The following FRMPD2 variants were observed in gnomAD, a reference collection of about 807,000 sequenced individuals.
FRMPD2 encodes the protein FERM and PDZ domain-containing protein 2.
Under a neutral mutation model 140.1 loss-of-function variants are expected in FRMPD2, and 96 were observed. The ratio of observed to expected loss-of-function variants is 0.69; its 90% CI spans 0.58 to 0.81. The LOEUF (loss-of-function observed/expected upper bound fraction) is 0.81, where lower values mean the gene tolerates loss of function less well. FRMPD2 is among the 40% of genes least tolerant of loss of function. FRMPD2 has a pLI of 0.00. For missense variants in FRMPD2, 1,240 were observed against 1,447.4 expected, an observed-to-expected ratio of 0.86 and a Z score of 2.32; for synonymous variants, 449 against 547.6, an observed-to-expected ratio of 0.82 and a Z score of 2.52.
At chr10:48,207,110 T>G (rs1299239859) in intron 13 of FRMPD2, among the ~76,000 whole-genome samples, 177 bp from the exon 14 acceptor site, 6 of 151,730 alleles carry the variant, frequency 4.0e-5, no homozygotes, top group African/African-American at 1.5e-4. Flanking sequence ...GTACAAAATT[T>G]CTCTGCACCT....
chr10:48,190,879 G>A (rs750040719), intron 16 of FRMPD2, among the ~76,000 whole-genome samples: 2 of 152,208 alleles, frequency 1.3e-5, no homozygotes, highest in Non-Finnish European at 2.9e-5. Flanking sequence ...AGGATGCTTT[G>A]CGGGCAACAC....
chr10:48,214,600 T>A (rs1839404172), intron 12 of FRMPD2, among the ~76,000 whole-genome samples: 1 of 152,238 alleles, frequency 6.6e-6, no homozygotes, highest in Admixed American at 6.5e-5. Flanking sequence ...TCTCCAAACA[T>A]TAAAGTCTAT....
chr10:48,256,824 C>G (rs1257782888), intron 1 of FRMPD2, among the ~76,000 whole-genome samples: 3 of 152,200 alleles, frequency 2.0e-5, no homozygotes, highest in Non-Finnish European at 4.4e-5. Context: ...GTCCTCACCT[C>G]CTCGGCATTC....
chr10:48,205,617 G>A (rs1364586205), intron 14 of FRMPD2, among the ~76,000 whole-genome samples: 1 of 152,082 alleles, frequency 6.6e-6, no homozygotes, highest in African/African-American at 2.4e-5. Flanking sequence ...AATGTAATTT[G>A]AGTAATTAAA....
chr10:48,256,036 T>G (rs1164702042), intron 1 of FRMPD2, among the ~76,000 whole-genome samples: 1 of 152,262 alleles, frequency 6.6e-6, no homozygotes, highest in Non-Finnish European at 1.5e-5. Flanking sequence ...GCAGAGCACG[T>G]GCAACCCACA....
At chr10:48,209,678 A>G (rs947212119) in intron 13 of FRMPD2, among the ~76,000 whole-genome samples, 4 of 152,254 alleles carry the variant, frequency 2.6e-5, no homozygotes, top group Non-Finnish European at 4.4e-5. Context: ...TCCAGAAATG[A>G]CGGCTGCACG....
intron 1 of FRMPD2, among the ~76,000 whole-genome samples, chr10:48,253,893 A>G (rs964185427): frequency 1.3e-5 from 2 of 152,152 alleles, no homozygotes; most frequent in African/African-American, 2.4e-5. Context: ...AAAGCACATA[A>G]CTGATCGGGT....
intron 15 of FRMPD2, among the ~76,000 whole-genome samples, chr10:48,200,373 C>T (rs1234178772): frequency 6.6e-6 from 1 of 152,050 alleles, no homozygotes; most frequent in African/African-American, 2.4e-5. Context: ...CAGAACTGCA[C>T]CGCATCAACC....
At position 48,163,738 on chromosome 10, in the gene FRMPD2, T is replaced by C. The variant is rs1381292187; in HGVS notation, c.3538-67A>G. Reference sequence around the variant, plus strand: ...CATTGTTTTTTTAAAAATACAAAGCTTTTTTCCCCCATGTGATTATAGATC... The same window carrying C: ...CATTGTTTTTTTAAAAATACAAAGCCTTTTTCCCCCATGTGATTATAGATC... On this transcript the variant is annotated intron_variant, in intron 27 of 28. Transcript: ENST00000374201. The C allele has an allele frequency of 1.2e-4, 103 of 853,318 alleles. 1 individual carries two copies. Among genetic ancestry groups the C allele is most frequent in the South Asian group, 9.4e-5 (7 of 74,288 alleles). The allele number at this position is 853,318 out of a possible 1,614,324, so 52.9% of individuals were successfully genotyped here.
Position 48,175,948 on chromosome 10 carries a change from C to T in FRMPD2, c.2896-9G>A. 6.2e-7 allele frequency: 1 copy of T among 1,603,526 alleles called. No individual in the cohort carries two copies. The highest frequency in any genetic ancestry group is 8.5e-7 in the Non-Finnish European group (1 of 1,172,094). ...CTGGTGTTAATGCCACCCTGAAAAA[C>T]ACAACAAAAAACTCACCACCCATCT... On this transcript the variant is annotated splice_polypyrimidine_tract_variant and intron_variant, in intron 22 of 28. Transcript: ENST00000374201.
At chr10:48,182,561 G>A (rs1414100607) in intron 20 of FRMPD2, among the ~76,000 whole-genome samples, 1 of 152,202 alleles carries the variant, frequency 6.6e-6, no homozygotes, top group African/African-American at 2.4e-5. Flanking sequence ...GACCCAGCCA[G>A]CATCACCAAG....
At chr10:48,211,444 TAAGAA>T (rs1178817398) in intron 13 of FRMPD2, among the ~76,000 whole-genome samples, 1 of 152,154 alleles carries the variant, frequency 6.6e-6, no homozygotes, top group Non-Finnish European at 1.5e-5. Flanking sequence ...GTGTCAACTA[TAAGAA>T]ATGTGGTCTC....
rs1838493950 is a variant in FRMPD2, at chr10:48,179,685, A to T, written c.2790+1118T>A. ...CAGCTGATGAAGCTAAGATGAGTAG[A>T]AGAAAGATACGGGTTTTATCCCCGA... On this transcript the variant is annotated intron_variant, in intron 21 of 28. Coordinates refer to ENST00000374201, the MANE Select transcript of FRMPD2 (RefSeq NM_001018071.4). Among the ~76,000 whole-genome samples the T allele has an allele frequency of 5.9e-5, 9 of 151,980 alleles. 1 individual carries two copies. The highest frequency in any genetic ancestry group is 5.9e-4 in the Admixed American group (9 of 15,272).
rs1466591937 is a variant in FRMPD2, at chr10:48,167,709, G to C, written c.3537+886C>G. On this transcript the variant is annotated intron_variant, in intron 27 of 28. Transcript: ENST00000374201. ...GTAATTGTATCTGTCAACTTGGCTAGGCCATGGTACACAGATAGGCGGTCA... is the reference window on the plus strand; with the variant it reads ...GTAATTGTATCTGTCAACTTGGCTACGCCATGGTACACAGATAGGCGGTCA... Among the ~76,000 whole-genome samples, 4 of 151,816 alleles carry C rather than the reference G, an allele frequency of 2.6e-5. No homozygotes were observed. In the South Asian group the frequency reaches 8.3e-4, roughly 32 times the overall value.
chr10:48,239,993 A>G (rs542076653), intron 6 of FRMPD2, among the ~76,000 whole-genome samples: 2 of 152,350 alleles, frequency 1.3e-5, no homozygotes, highest in African/African-American at 4.8e-5. Flanking sequence ...AGTAGAGAAC[A>G]GTAGATTTGA....
intron 1 of FRMPD2, among the ~76,000 whole-genome samples, chr10:48,255,679 T>C (rs1020462646): frequency 1.3e-5 from 2 of 152,172 alleles, no homozygotes; most frequent in Admixed American, 6.5e-5. Flanking sequence ...AGGCAATGCA[T>C]GATAACAAGC....
At chr10:48,191,282 C>T (rs565627990) in intron 16 of FRMPD2, among the ~76,000 whole-genome samples, 1 of 152,276 alleles carries the variant, frequency 6.6e-6, no homozygotes, top group Admixed American at 6.5e-5. Context: ...TGAACAAAGT[C>T]GTCTTGCGTC....
intron 12 of FRMPD2, among the ~76,000 whole-genome samples, chr10:48,217,340 T>A (rs577924475): frequency 5.2e-4 from 79 of 152,130 alleles, no homozygotes; most frequent in Non-Finnish European, 1.0e-3. Flanking sequence ...AATGAATTCA[T>A]CATCCCACAT....
chr10:48,240,050 G>GA lies in FRMPD2; in HGVS notation c.700+309dup, dbSNP rs201171740. 1.2e-3 allele frequency among the ~76,000 whole-genome samples: 178 copies of GA among 150,994 alleles called. No homozygotes were observed. The East Asian group carries it at 0.018, about 15-fold the overall frequency. Reference sequence around the variant, plus strand: ...TTTTAACACACCCAGAACAATAACTGAAAAAAAAATCAAGTTTTTCTTTTC... The same window carrying GA: ...TTTTAACACACCCAGAACAATAACTGAAAAAAAAAATCAAGTTTTTCTTTTC... On this transcript the variant is annotated intron_variant, in intron 6 of 28. Transcript: ENST00000374201.
Sources: allele counts gnomAD v4.1 joint callset (sites outside exome capture counted in the v4.1 genomes callset), GRCh38; gene constraint gnomAD v4.1.1; transcripts MANE v1.5; gene names NCBI Gene and HGNC (gene_info 2026-07-23, HGNC 2026-07-21).